MAMDC2: variants seen among roughly 807,000 people sequenced by gnomAD.
MAMDC2 encodes the protein MAM domain-containing protein 2.
MAMDC2 carries 57 observed loss-of-function variants against 89.8 expected under a neutral mutation model. The ratio of observed to expected loss-of-function variants is 0.63; its 90% CI spans 0.51 to 0.79. The LOEUF is 0.79. Ranked by LOEUF, MAMDC2 falls within the 30% of genes least tolerant of loss-of-function variation. MAMDC2 has a pLI of 0.00. For synonymous variants in MAMDC2, 313 were observed against 293.4 expected, an observed-to-expected ratio of 1.07 and a Z score of -0.68; for missense variants, 800 against 820.6, an observed-to-expected ratio of 0.97 and a Z score of 0.31.
chr9:70,044,095 C>G lies in MAMDC2; in HGVS notation c.-103C>G. ...CCTCTCGACTTCTCCCTCCTTGGGT[C>G]CCCGGCGCCCCCGCCTCCCACGATC... On this transcript the variant is annotated 5_prime_UTR_variant, in exon 1 of 14. Coordinates refer to ENST00000377182, the MANE Select transcript of MAMDC2 (RefSeq NM_153267.5). 1 of 1,394,796 alleles carries G rather than the reference C, an allele frequency of 7.2e-7. No homozygotes were observed. 86.4% of individuals were successfully genotyped at this position (1,394,796 alleles called of 1,614,324 possible).
intron 12 of MAMDC2, among the ~76,000 whole-genome samples, chr9:70,220,234 C>T (rs1433978465): frequency 6.6e-6 from 1 of 152,188 alleles, no homozygotes; most frequent in African/African-American, 2.4e-5. Context: ...GGATCAGACA[C>T]ATGGCCTTGC....
intron 2 of MAMDC2, chr9:70,081,840 T>A (rs978997667): frequency 1.4e-5 from 2 of 146,030 alleles, no homozygotes; most frequent in African/African-American, 2.7e-5. Flanking sequence ...AGAAATTTCA[T>A]GAGATCTTTT....
At chr9:70,099,429 T>C (rs572807288) in intron 2 of MAMDC2, among the ~76,000 whole-genome samples, 1 of 152,298 alleles carries the variant, frequency 6.6e-6, no homozygotes, top group East Asian at 1.9e-4. Flanking sequence ...TATACATAAT[T>C]GAGGATGCAG....
At position 70,108,335 on chromosome 9, in the gene MAMDC2, G is replaced by A. The variant is rs769565950; in HGVS notation, c.273G>A (p.Ser91=). 28 of 1,613,920 alleles carry A rather than the reference G, an allele frequency of 1.7e-5. No homozygotes were observed. Among genetic ancestry groups the A allele is most frequent in the Admixed American group, 1.0e-4 (6 of 59,984 alleles). Residue 91 remains serine, a synonymous_variant, in exon 3 of 14, where the codon TCG becomes TCA. Transcript: ENST00000377182. ...LRLVYQITTS[S]ESLSDPSQLN... ...TGGTCTACCAGATAACCACATCTTC[G>A]GAGTCTCTGTCAGATCCCAGCCAGC...
intron 11 of MAMDC2, among the ~76,000 whole-genome samples, chr9:70,188,906 CAATT>C (rs1226420500): frequency 6.6e-6 from 1 of 151,644 alleles, no homozygotes; most frequent in African/African-American, 2.4e-5. Flanking sequence ...TCCTGGCCCT[CAATT>C]AATAACTTGA....
At chr9:70,190,049 C>A (rs1927145) in intron 11 of MAMDC2, among the ~76,000 whole-genome samples, 139,214 of 152,174 alleles carry the variant, frequency 0.91, 63,833 homozygotes, top group East Asian at 0.98. Flanking sequence ...GTAATAGTTG[C>A]CTTAAAGTCT....
intron 11 of MAMDC2, among the ~76,000 whole-genome samples, chr9:70,211,247 C>A (rs2033348598): frequency 6.6e-6 from 1 of 152,366 alleles, no homozygotes; most frequent in South Asian, 2.1e-4. Flanking sequence ...TCCTCCCCGT[C>A]ACTTTCAGGT....
At chr9:70,220,590 T>G (rs1658097209) in intron 12 of MAMDC2, among the ~76,000 whole-genome samples, 1 of 152,232 alleles carries the variant, frequency 6.6e-6, no homozygotes, top group African/African-American at 2.4e-5. Context: ...TGCTAAGAGC[T>G]GTACGTAAGT....
chr9:70,140,483 C>T (rs2031175766), intron 8 of MAMDC2, among the ~76,000 whole-genome samples, 195 bp downstream of exon 8: 1 of 152,120 alleles, frequency 6.6e-6, no homozygotes. Flanking sequence ...AACATATTTG[C>T]TAGTTAATTA....
At chr9:70,049,397 T>C (rs1038822159) in intron 2 of MAMDC2, among the ~76,000 whole-genome samples, 1 of 152,100 alleles carries the variant, frequency 6.6e-6, no homozygotes, top group Non-Finnish European at 1.5e-5. Context: ...CAGTGATGAA[T>C]CCTGCCTGCT....
chr9:70,066,576 G>T (rs1587439585), intron 2 of MAMDC2, among the ~76,000 whole-genome samples: 1 of 152,270 alleles, frequency 6.6e-6, no homozygotes, highest in East Asian at 1.9e-4. Context: ...CTTAGGAAGG[G>T]TTACTGCAGG....
chr9:70,043,922 G>A lies in MAMDC2; in HGVS notation c.-276G>A, dbSNP rs557867795. The A allele has an allele frequency of 1.8e-4, 105 of 570,636 alleles. No homozygotes were observed. The South Asian group carries it at 2.2e-3, about 12-fold the overall frequency. The allele number at this position is 570,636 out of a possible 1,614,324, so 35.3% of individuals were successfully genotyped here. On this transcript the variant is annotated 5_prime_UTR_variant, in exon 1 of 14. Transcript: ENST00000377182. ...TGTCTCCTCCCTGTCCAGCCCCATC[G>A]TCGCCCAGGACCAGCTGGGCCGCGG...
chr9:70,086,974 G>GTTCT (rs1827783405), intron 2 of MAMDC2: 1 of 152,130 alleles, frequency 6.6e-6, no homozygotes, highest in Admixed American at 6.6e-5. Context: ...CTGCTACAGA[G>GTTCT]TTCTGTCTGA....
rs373312032 is a variant in MAMDC2 at position 70,054,633 on chromosome 9, A to G, written c.148+9936A>G. Among the ~76,000 whole-genome samples the G allele has an allele frequency of 4.0e-5, 6 of 151,426 alleles. No individual in the cohort carries two copies. In the East Asian group the frequency reaches 9.7e-4, roughly 25 times the overall value. ...GAAGGGGGGACTTGAGCTTGTTTCTATAGTAAGGGGAAGGGACCAGCAAAG... is the reference window on the plus strand; with the variant it reads ...GAAGGGGGGACTTGAGCTTGTTTCTGTAGTAAGGGGAAGGGACCAGCAAAG... On this transcript the variant is annotated intron_variant, in intron 2 of 13. Coordinates refer to ENST00000377182, the MANE Select transcript of MAMDC2 (RefSeq NM_153267.5).
intron 11 of MAMDC2, among the ~76,000 whole-genome samples, chr9:70,207,936 G>A (rs928232272): frequency 2.6e-5 from 4 of 152,226 alleles, no homozygotes; most frequent in Admixed American, 6.5e-5. Context: ...AAGATCAGAT[G>A]GTTGTAGATG....
intron 2 of MAMDC2, 79 bp downstream of exon 2, chr9:70,044,776 G>A: frequency 2.0e-6 from 2 of 1,022,858 alleles, no homozygotes; most frequent in Non-Finnish European, 1.5e-6. Context: ...CATGGGTAAT[G>A]TTATCTTGGA....
rs556555227 is a variant in MAMDC2, at chr9:70,214,271, G to T, written c.1652-4066G>T. Among the ~76,000 whole-genome samples the T allele has an allele frequency of 2.6e-5, 4 of 152,350 alleles. No individual in the cohort carries two copies. In the South Asian group the frequency reaches 6.2e-4, roughly 24 times the overall value. Reference sequence around the variant, plus strand: ...TAGTATAGTCAGAACAGGTCTAATAGAAAAGGTGACATCTGAGCAAAGACT... The same window carrying T: ...TAGTATAGTCAGAACAGGTCTAATATAAAAGGTGACATCTGAGCAAAGACT... On this transcript the variant is annotated intron_variant, in intron 11 of 13. Transcript: ENST00000377182.
intron 5 of MAMDC2, among the ~76,000 whole-genome samples, chr9:70,124,322 T>C (rs776879588): frequency 3.9e-5 from 6 of 152,256 alleles, no homozygotes; most frequent in Non-Finnish European, 8.8e-5. Flanking sequence ...TCTCCCTGAC[T>C]CAATCAACTT....
chr9:70,068,859 C>T (rs1827332844), intron 2 of MAMDC2, among the ~76,000 whole-genome samples: 1 of 151,830 alleles, frequency 6.6e-6, no homozygotes, highest in Non-Finnish European at 1.5e-5. Flanking sequence ...TATTAGGGGA[C>T]AGAGGACAGC....
Sources: allele counts gnomAD v4.1 joint callset (sites outside exome capture counted in the v4.1 genomes callset), GRCh38; gene constraint gnomAD v4.1.1; transcripts MANE v1.5; gene names NCBI Gene and HGNC (gene_info 2026-07-23, HGNC 2026-07-21).